PRELID2: variants seen among roughly 807,000 people sequenced by gnomAD.
PRELID2 encodes the protein PRELI domain containing 2, also known as PRELI domain-containing protein 2.
Under a neutral mutation model 28.4 loss-of-function variants are expected in PRELID2, and 25 were observed. That is an observed-to-expected ratio of 0.88 (90% CI 0.64 to 1.23). PRELID2 has a LOEUF of 1.23. Among genes scored for constraint, PRELID2 ranks in the 50% most tolerant of loss-of-function variants. PRELID2 has a pLI of 0.00. For synonymous variants in PRELID2, 76 were observed against 71.6 expected (o/e 1.06, Z -0.31); for missense variants, 201 against 214.4 (o/e 0.94, Z 0.39).
chr5:145,650,124 T>C (rs1458844358), intron 1 of PRELID2, among the ~76,000 whole-genome samples: 3 of 152,168 alleles, frequency 2.0e-5, no homozygotes, highest in African/African-American at 7.2e-5. Context: ...TAATTCACCG[T>C]CACTCCTAAG....
At chr5:145,752,822 T>G (rs1757160104), downstream of PRELID2, among the ~76,000 whole-genome samples, 1 of 152,216 alleles carries the variant, frequency 6.6e-6, no homozygotes, top group Non-Finnish European at 1.5e-5. Context: ...TTTTGTTTTT[T>G]GGGTTTTTTT....
the PRELID2 span, among the ~76,000 whole-genome samples, chr5:145,349,785 G>A: frequency 6.6e-6 from 1 of 152,180 alleles, no homozygotes; most frequent in African/African-American, 2.4e-5. Flanking sequence ...ATCTAACTGT[G>A]AAATCACAGG....
chr5:145,391,409 A>C, the PRELID2 span, among the ~76,000 whole-genome samples: 22 of 152,202 alleles, frequency 1.4e-4, no homozygotes, highest in African/African-American at 5.3e-4. Context: ...CCACTGCTAG[A>C]GATGAAGCAG....
chr5:145,530,407 T>C (rs2126660346), intron 1 of PRELID2, among the ~76,000 whole-genome samples: 1 of 152,152 alleles, frequency 6.6e-6, no homozygotes, highest in East Asian at 1.9e-4. Flanking sequence ...GAGGAGGAGT[T>C]CCACAGGGGC....
the PRELID2 span, among the ~76,000 whole-genome samples, chr5:145,394,153 T>C: frequency 1.3e-5 from 2 of 152,274 alleles, no homozygotes; most frequent in East Asian, 1.9e-4. Flanking sequence ...GCGGCACTAT[T>C]CACAATAGCA....
chr5:145,735,977 T>G (rs1331218333), intron 1 of PRELID2, among the ~76,000 whole-genome samples: 1 of 152,204 alleles, frequency 6.6e-6, no homozygotes. Context: ...AGATTTTGTT[T>G]AAAACCTTGC....
chr5:145,622,290 TTA>T (rs1347660618), intron 1 of PRELID2, among the ~76,000 whole-genome samples: 4 of 152,160 alleles, frequency 2.6e-5, no homozygotes, highest in Non-Finnish European at 5.9e-5. Context: ...TAAAGACTGT[TTA>T]ATTGCATACT....
At chr5:145,485,287 T>C (rs1268110698) in intron 1 of PRELID2, among the ~76,000 whole-genome samples, 3 of 152,196 alleles carry the variant, frequency 2.0e-5, no homozygotes, top group African/African-American at 7.2e-5. Flanking sequence ...GCAGTGCAAG[T>C]GGCAACTGCC....
chr5:145,793,896 C>A (rs1752565640), intron 5 of PRELID2, among the ~76,000 whole-genome samples: 1 of 152,002 alleles, frequency 6.6e-6, no homozygotes, highest in Admixed American at 6.6e-5. Context: ...GAGTATATAT[C>A]CGCCCCACAA....
At chr5:145,310,767 A>C in the PRELID2 span, among the ~76,000 whole-genome samples, 1 of 152,264 alleles carries the variant, frequency 6.6e-6, no homozygotes, top group East Asian at 1.9e-4. Context: ...TAAACTCTTA[A>C]GCTCACTTTC....
intron 1 of PRELID2, among the ~76,000 whole-genome samples, chr5:145,633,931 G>A (rs1272162609): frequency 6.6e-6 from 1 of 152,190 alleles, no homozygotes; most frequent in African/African-American, 2.4e-5. Flanking sequence ...CATAGCAGGA[G>A]ACAGGATCCT....
chr5:145,821,726 A>G (rs1754845598), intron 2 of PRELID2, among the ~76,000 whole-genome samples: 1 of 152,222 alleles, frequency 6.6e-6, no homozygotes, highest in Non-Finnish European at 1.5e-5. Context: ...TGCTGCACAC[A>G]TACTCGAAAT....
Position 145,778,097 on chromosome 5 carries a change from A to G in PRELID2, c.475-13097T>C, listed in dbSNP as rs117733003. 6.0e-4 allele frequency among the ~76,000 whole-genome samples: 92 copies of G among 152,180 alleles called. No individual in the cohort carries two copies. In the East Asian group the frequency reaches 0.016, roughly 26 times the overall value. ...TTGTGTGCCTTTTCTTGGCCTGCCT[A>G]TGGCCACCCAACTGGTGCACACTTT... On this transcript the variant is annotated intron_variant, in intron 5 of 6. Transcript: ENST00000683046.
intron 1 of PRELID2, among the ~76,000 whole-genome samples, chr5:145,697,031 A>G (rs1301659569): frequency 1.0e-5 from 1 of 95,338 alleles, no homozygotes; most frequent in Non-Finnish European, 2.1e-5. Context: ...AAGAGAGGAA[A>G]ATTATATATA....
chr5:145,704,427 A>C (rs904807190), intron 1 of PRELID2: 11 of 152,274 alleles, frequency 7.2e-5, no homozygotes, highest in African/African-American at 2.4e-5. Flanking sequence ...CCAAGTCCAC[A>C]GCAATCCATG....
the PRELID2 span, among the ~76,000 whole-genome samples, chr5:145,260,211 C>T: frequency 6.6e-6 from 1 of 152,104 alleles, no homozygotes; most frequent in Non-Finnish European, 1.5e-5. Context: ...AAGCATGAGC[C>T]AATTAAACCT....
chr5:145,770,336 T>C (rs1039665258), intron 5 of PRELID2, among the ~76,000 whole-genome samples: 1 of 151,774 alleles, frequency 6.6e-6, no homozygotes, highest in African/African-American at 2.4e-5. Context: ...GGCAACATAG[T>C]AAGACCCCTT....
the PRELID2 span, among the ~76,000 whole-genome samples, chr5:145,293,441 C>T: frequency 2.0e-5 from 3 of 152,156 alleles, no homozygotes; most frequent in Admixed American, 6.6e-5. Flanking sequence ...ATAGTAGCTA[C>T]ATATGCTGTT....
intron 1 of PRELID2, among the ~76,000 whole-genome samples, chr5:145,616,407 G>A (rs938110098): frequency 4.6e-5 from 7 of 152,148 alleles, no homozygotes; most frequent in African/African-American, 1.7e-4. Context: ...GGGAAATTCA[G>A]CCAGATATTG....
Sources: allele counts gnomAD v4.1 joint callset (sites outside exome capture counted in the v4.1 genomes callset), GRCh38; gene constraint gnomAD v4.1.1; transcripts MANE v1.5; gene names NCBI Gene and HGNC (gene_info 2026-07-23, HGNC 2026-07-21).